TRAF5: variants seen among roughly 807,000 people sequenced by gnomAD.
TRAF5 encodes the protein TNF receptor-associated factor 5.
A neutral mutation model predicts 64.5 loss-of-function variants in TRAF5; 48 were observed. That is an observed-to-expected ratio of 0.74 (90% CI 0.59 to 0.95). The LOEUF is 0.95. TRAF5 is among the 40% of genes least tolerant of loss of function. The pLI is 0.00. For synonymous variants in TRAF5, 206 were observed against 240.5 expected (o/e 0.86, Z 1.33); for missense variants, 545 against 662.8 (o/e 0.82, Z 1.95).
At chr1:211,345,481 A>C (rs1322560559) in intron 1 of TRAF5, among the ~76,000 whole-genome samples, 1 of 152,082 alleles carries the variant, frequency 6.6e-6, no homozygotes, top group African/African-American at 2.4e-5. Flanking sequence ...GCAGGAGAGC[A>C]TCTGGAACCC....
intron 9 of TRAF5, among the ~76,000 whole-genome samples, chr1:211,370,731 AAAAC>A (rs1388258063): frequency 6.6e-6 from 1 of 152,226 alleles, no homozygotes; most frequent in Admixed American, 6.5e-5. Flanking sequence ...CTGAAAGTGA[AAAAC>A]AAAATGGGTA....
chr1:211,363,112 A>G (rs1041167458), intron 7 of TRAF5, among the ~76,000 whole-genome samples: 1 of 152,086 alleles, frequency 6.6e-6, no homozygotes, highest in African/African-American at 2.4e-5. Flanking sequence ...ATGATATCTC[A>G]CTTTTTTTAG....
At chr1:211,332,030 T>C (rs1702169529) in intron 1 of TRAF5, among the ~76,000 whole-genome samples, 1 of 152,098 alleles carries the variant, frequency 6.6e-6, no homozygotes, top group South Asian at 2.1e-4. Flanking sequence ...CAGGTAGACC[T>C]CAGGGGCCAG....
chr1:211,343,057 A>G (rs1044847766), intron 1 of TRAF5, among the ~76,000 whole-genome samples: 2 of 151,694 alleles, frequency 1.3e-5, no homozygotes, highest in African/African-American at 4.8e-5. Context: ...TTTCTGAGGA[A>G]CCTCCATACC....
intron 1 of TRAF5, among the ~76,000 whole-genome samples, chr1:211,338,254 C>T (rs1702357726): frequency 6.6e-6 from 1 of 152,186 alleles, no homozygotes; most frequent in Non-Finnish European, 1.5e-5. Flanking sequence ...AATGGGTCCC[C>T]CTTCCTCTGG....
chr1:211,343,072 T>C (rs1305853532), intron 1 of TRAF5, among the ~76,000 whole-genome samples: 1 of 152,234 alleles, frequency 6.6e-6, no homozygotes, highest in Non-Finnish European at 1.5e-5. Flanking sequence ...CATACCGTTC[T>C]TCATAGTGGC....
intron 8 of TRAF5, 87 bp downstream of exon 8, chr1:211,365,555 C>T: frequency 9.3e-7 from 1 of 1,080,638 alleles, no homozygotes; most frequent in Non-Finnish European, 1.3e-6. Context: ...CTATTCTCCC[C>T]TGTTTCAGTA....
At chr1:211,335,221 T>C (rs1702258710) in intron 1 of TRAF5, among the ~76,000 whole-genome samples, 1 of 152,086 alleles carries the variant, frequency 6.6e-6, no homozygotes, top group Admixed American at 6.6e-5. Flanking sequence ...TACCCAGAGT[T>C]ACCAGCTGTG....
intron 1 of TRAF5, among the ~76,000 whole-genome samples, chr1:211,337,231 G>A (rs560253997): frequency 7.6e-4 from 116 of 152,332 alleles, no homozygotes; most frequent in Middle Eastern, 3.4e-3. Context: ...CATGTAGGGT[G>A]GTCAGCAAAG....
intron 1 of TRAF5, among the ~76,000 whole-genome samples, chr1:211,351,942 G>T (rs986184605): frequency 1.3e-5 from 2 of 152,140 alleles, no homozygotes; most frequent in African/African-American, 4.8e-5. Flanking sequence ...GTGTTGCTGT[G>T]TTGGGTCCTT....
chr1:211,341,275 G>A (rs1164965055), intron 1 of TRAF5, among the ~76,000 whole-genome samples: 2 of 152,186 alleles, frequency 1.3e-5, no homozygotes, highest in African/African-American at 4.8e-5. Context: ...ACCAAGAGGT[G>A]TGGTTCAGAG....
rs552714558 is a variant in TRAF5, at chr1:211,369,536, T to G, written c.874T>G (p.Phe292Val). ...AACTATAAAGAAACTTGAAAAGGAG[T>G]TCAAGCAGTTTGCACAGTTGTTTGG... Reference protein sequence around the residue: ...AETIKKLEKEFKQFAQLFGKN... With the variant: ...AETIKKLEKEVKQFAQLFGKN... The change falls in exon 9 of 11, where the codon TTC (phenylalanine) becomes GTC (valine). Residue 292 changes from phenylalanine to valine, a missense_variant. By Grantham distance (50) the Phe-to-Val change is conservative. Transcript: ENST00000261464. The G allele has an allele frequency of 6.2e-7, 1 of 1,605,736 alleles. No individual in the cohort carries two copies. The highest frequency in any genetic ancestry group is 1.1e-5 in the South Asian group (1 of 89,466).
intron 1 of TRAF5, among the ~76,000 whole-genome samples, chr1:211,350,728 G>C (rs79776636): frequency 0.02 from 3,122 of 152,296 alleles, 42 homozygotes; most frequent in South Asian, 0.038. Flanking sequence ...CCATAGACTA[G>C]GTAGCTTATA....
chr1:211,367,607 A>G (rs1475356943), intron 8 of TRAF5, among the ~76,000 whole-genome samples: 1 of 152,212 alleles, frequency 6.6e-6, no homozygotes, highest in Non-Finnish European at 1.5e-5. Context: ...GAGGTTGTAA[A>G]TGACATGCAG....
chr1:211,349,839 A>C (rs1017883900), intron 1 of TRAF5, among the ~76,000 whole-genome samples: 3 of 152,120 alleles, frequency 2.0e-5, no homozygotes, highest in Admixed American at 6.5e-5. Context: ...AAATTTAGAT[A>C]CTGTGTGACA....
intron 3 of TRAF5, among the ~76,000 whole-genome samples, chr1:211,355,399 TTGTC>T (rs1223487125): frequency 1.3e-5 from 2 of 152,178 alleles, no homozygotes; most frequent in Non-Finnish European, 2.9e-5. Context: ...TAAGAAACGA[TTGTC>T]TGTTCCATTG....
rs534360994 is a variant in TRAF5 at position 211,362,596 on chromosome 1, C to A, written c.696+1434C>A. Reference sequence around the variant, plus strand: ...TTGGGAGGCTGAGGTATGAGAATCCCTTGAACCCGGGAGGCCAAGGTTGCA... The same window carrying A: ...TTGGGAGGCTGAGGTATGAGAATCCATTGAACCCGGGAGGCCAAGGTTGCA... On this transcript the variant is annotated intron_variant, in intron 7 of 10. Coordinates refer to ENST00000261464, the MANE Select transcript of TRAF5 (RefSeq NM_001033910.3). 2.6e-5 allele frequency among the ~76,000 whole-genome samples: 4 copies of A among 152,182 alleles called. No individual in the cohort carries two copies. The South Asian group carries it at 8.3e-4, about 32-fold the overall frequency.
chr1:211,327,714 T>A (rs1381200821), intron 1 of TRAF5, among the ~76,000 whole-genome samples: 1 of 152,236 alleles, frequency 6.6e-6, no homozygotes, highest in African/African-American at 2.4e-5. Flanking sequence ...CTGCTAAGTT[T>A]CCATATTTGG....
intron 1 of TRAF5, among the ~76,000 whole-genome samples, chr1:211,340,509 T>C (rs1702419187): frequency 6.6e-6 from 1 of 152,224 alleles, no homozygotes; most frequent in South Asian, 2.1e-4. Flanking sequence ...CTTGAACTCC[T>C]GACCTCAGGT....
Sources: gnomAD v4.1 joint callset for allele counts (sites outside exome capture counted in the v4.1 genomes callset) on GRCh38, gnomAD v4.1.1 for gene constraint, MANE v1.5 for transcripts, NCBI Gene and HGNC (gene_info 2026-07-23, HGNC 2026-07-21) for gene names.